Variants in RYR2 observed in about 807,000 individuals in gnomAD.
RYR2 encodes the protein ryanodine receptor 2.
RYR2 carries 227 observed loss-of-function variants against 601.1 expected under a neutral mutation model. The ratio of observed to expected loss-of-function variants is 0.38; its 90% CI spans 0.34 to 0.42. The LOEUF (loss-of-function observed/expected upper bound fraction) is 0.42, where lower values mean the gene tolerates loss of function less well. Among genes scored for constraint, RYR2 ranks in the 10% least tolerant of loss-of-function variants. RYR2 has a pLI of 1.00. For missense variants in RYR2, 4,646 were observed against 6,156.5 expected (o/e 0.75, Z 8.21); for synonymous variants, 2,223 against 2,175.1 (o/e 1.02, Z -0.61).
At chr1:237,736,813 C>G (rs551915327) in intron 79 of RYR2, among the ~76,000 whole-genome samples, 1 of 152,200 alleles carries the variant, frequency 6.6e-6, no homozygotes, top group Non-Finnish European at 1.5e-5. Flanking sequence ...TAATGCTCCC[C>G]CTGGCTGTGT....
chr1:237,368,787 C>A (rs1204364401), intron 5 of RYR2, among the ~76,000 whole-genome samples: 1 of 151,150 alleles, frequency 6.6e-6, no homozygotes, highest in Non-Finnish European at 1.5e-5. Flanking sequence ...AATACTCATT[C>A]GTTGAATCAA....
At position 237,643,414 on chromosome 1, in the gene RYR2, A is replaced by G; in HGVS notation, c.7309A>G (p.Ser2437Gly). ...CCTGGGAGATTTGGTGGGCGTTATC[A>G]GCATCGCTTTTCAGATGCCAACAAT... ...IPLGDLVGVI[S>G]IAFQMPTIAK... is the part of the protein sequence containing the mutation. Residue 2437 changes from serine to glycine, a missense_variant, in exon 48 of 105, where the codon AGC becomes GGC. Ser to Gly is a moderately conservative substitution (Grantham distance 56). Around this residue, in one of 17 missense-constraint regions of RYR2, gnomAD observed 1,497 missense variants for 1,842.6 expected, o/e 0.81. Transcript: ENST00000366574. The G allele has an allele frequency of 6.2e-7, 1 of 1,613,946 alleles. No homozygotes were observed. The highest frequency in any genetic ancestry group is 1.1e-5 in the South Asian group (1 of 91,088).
In RYR2 at chr1:237,270,526, A is replaced by C; in HGVS notation, c.78A>C (p.Ala26=). Residue 26 remains alanine (A), a synonymous_variant, in exon 2 of 105, where the codon GCA becomes GCC. Coordinates refer to ENST00000366574, the MANE Select transcript of RYR2 (RefSeq NM_001035.3). ...ATGAAGTGGTTCTGCAGTGCACCGC[A>C]ACCATCCACAAAGAACAACAGAAGC... is the stretch of plus-strand genomic sequence containing the variant. ...TDDEVVLQCT[A]TIHKEQQKLC... 1 of 1,593,454 alleles carries C rather than the reference A, an allele frequency of 6.3e-7. No homozygotes were observed. Among genetic ancestry groups the C allele is most frequent in the Non-Finnish European group, 8.6e-7 (1 of 1,169,436 alleles).
At chr1:237,401,473 A>T (rs1229547317) in intron 10 of RYR2, among the ~76,000 whole-genome samples, 3 of 148,854 alleles carry the variant, frequency 2.0e-5, no homozygotes, top group Non-Finnish European at 4.4e-5. Flanking sequence ...CACAGATGTT[A>T]TACTTATGCT....
intron 2 of RYR2, among the ~76,000 whole-genome samples, chr1:237,309,419 C>T (rs1408979299): frequency 6.6e-6 from 1 of 151,514 alleles, no homozygotes; most frequent in African/African-American, 2.4e-5. Context: ...CTCCAAGTCC[C>T]CACTAGATTA....
intron 13 of RYR2, among the ~76,000 whole-genome samples, chr1:237,445,160 C>T (rs1429342165): frequency 6.6e-6 from 1 of 151,944 alleles, no homozygotes; most frequent in East Asian, 1.9e-4. Context: ...CCAGCCTGGG[C>T]AACATAGCAA....
At chr1:237,066,473 G>C (rs1199608974) in intron 1 of RYR2, among the ~76,000 whole-genome samples, 1 of 152,158 alleles carries the variant, frequency 6.6e-6, no homozygotes, top group Non-Finnish European at 1.5e-5. Flanking sequence ...ATGTTTGGGA[G>C]ATCCAGTTTC....
chr1:237,313,654 A>T (rs1164243351), intron 2 of RYR2, among the ~76,000 whole-genome samples: 1 of 152,200 alleles, frequency 6.6e-6, no homozygotes, highest in African/African-American at 2.4e-5. Context: ...TTAGAGAAAA[A>T]AATTATGTTG....
chr1:237,137,651 C>T (rs958923950), intron 1 of RYR2, among the ~76,000 whole-genome samples: 11 of 152,094 alleles, frequency 7.2e-5, no homozygotes, highest in Admixed American at 5.2e-4. Flanking sequence ...AGATGTGCGA[C>T]GTGGCATCCA....
At chr1:237,087,573 T>A (rs1666484434) in intron 1 of RYR2, among the ~76,000 whole-genome samples, 1 of 152,234 alleles carries the variant, frequency 6.6e-6, no homozygotes, top group Non-Finnish European at 1.5e-5. Flanking sequence ...GACATGTTTC[T>A]TTTCTTTGCA....
At chr1:237,711,185 C>T (rs1245582577) in intron 70 of RYR2, among the ~76,000 whole-genome samples, 1 of 152,052 alleles carries the variant, frequency 6.6e-6, no homozygotes, top group African/African-American at 2.4e-5. Context: ...GCAAAAATAT[C>T]TGAATATGTA....
chr1:237,516,167 G>A (rs2147815691), intron 24 of RYR2, among the ~76,000 whole-genome samples: 1 of 152,188 alleles, frequency 6.6e-6, no homozygotes, highest in South Asian at 2.1e-4. Flanking sequence ...CTGGAGTGCA[G>A]TTACGCGATC....
At chr1:237,652,575 T>A (rs1471364586) in intron 51 of RYR2, among the ~76,000 whole-genome samples, 2 of 152,188 alleles carry the variant, frequency 1.3e-5, no homozygotes, top group Non-Finnish European at 2.9e-5. Flanking sequence ...GCAAAAGTAA[T>A]CTTTCTCTAT....
At chr1:237,777,663 G>T (rs190705629) in intron 87 of RYR2, among the ~76,000 whole-genome samples, 1 of 152,176 alleles carries the variant, frequency 6.6e-6, no homozygotes, top group African/African-American at 2.4e-5. Context: ...AACAGTCTGC[G>T]TGCTACAGCG....
intron 1 of RYR2, among the ~76,000 whole-genome samples, chr1:237,246,316 G>A (rs1449184126): frequency 3.3e-5 from 5 of 151,536 alleles, no homozygotes; most frequent in East Asian, 1.9e-4. Context: ...GGCTGGTCTC[G>A]AACTCCTGAC....
At chr1:237,171,247 AT>A (rs1002178195) in intron 1 of RYR2, among the ~76,000 whole-genome samples, 6 of 148,714 alleles carry the variant, frequency 4.0e-5, no homozygotes, top group African/African-American at 1.5e-4. Context: ...AAAAAAAAAA[AT>A]AGATTCTCCC....
chr1:237,129,383 CTAA>C (rs1249476482), intron 1 of RYR2, among the ~76,000 whole-genome samples: 1 of 152,130 alleles, frequency 6.6e-6, no homozygotes. Flanking sequence ...TTAGTGATGG[CTAA>C]TAATATGATG....
At chr1:237,177,225 G>A (rs191064953) in intron 1 of RYR2, among the ~76,000 whole-genome samples, 1 of 152,208 alleles carries the variant, frequency 6.6e-6, no homozygotes, top group Admixed American at 6.5e-5. Flanking sequence ...GCTTTGGAAT[G>A]GCAATATGTC....
At chr1:237,597,502 G>C (rs996703738) in intron 34 of RYR2, among the ~76,000 whole-genome samples, 3 of 151,572 alleles carry the variant, frequency 2.0e-5, no homozygotes, top group Non-Finnish European at 2.9e-5. Flanking sequence ...GGATGGTCTC[G>C]ATCTCCTGAC....
Sources: gnomAD v4.1 joint callset for allele counts (sites outside exome capture counted in the v4.1 genomes callset) on GRCh38, gnomAD v4.1.1 for gene constraint, gnomAD v4.1.1 regional missense constraint, MANE v1.5 for transcripts, NCBI Gene and HGNC (gene_info 2026-07-23, HGNC 2026-07-21) for gene names.